The following KCNG3 variants were observed in gnomAD, a reference collection of about 807,000 sequenced individuals.
The protein encoded by KCNG3 is potassium voltage-gated channel modifier subfamily G member 3.
A neutral mutation model predicts 29.0 loss-of-function variants in KCNG3; 15 were observed. The observed-to-expected ratio is 0.52, with a 90% CI of 0.35 to 0.80. The LOEUF (loss-of-function observed/expected upper bound fraction) is 0.80, where lower values mean the gene tolerates loss of function less well. Among genes scored for constraint, KCNG3 ranks in the 30% least tolerant of loss-of-function variants. KCNG3 has a pLI of 0.01. For missense variants in KCNG3, 512 were observed against 605.7 expected, an observed-to-expected ratio of 0.85 and a Z score of 1.62; for synonymous variants, 322 against 248.9, an observed-to-expected ratio of 1.29 and a Z score of -2.76.
chr2:42,416,595 G>A, the KCNG3 span, among the ~76,000 whole-genome samples: 3 of 152,128 alleles, frequency 2.0e-5, no homozygotes, highest in South Asian at 2.1e-4. Flanking sequence ...TTGGGAGGCC[G>A]AGGCAGGTGG....
intron 1 of KCNG3, among the ~76,000 whole-genome samples, chr2:42,452,556 T>C (rs1449674964): frequency 1.3e-5 from 2 of 152,090 alleles, no homozygotes; most frequent in East Asian, 3.9e-4. Flanking sequence ...ACCATCCTTC[T>C]ACTCTCTATA....
the KCNG3 span, among the ~76,000 whole-genome samples, chr2:42,394,819 G>A: frequency 2.6e-5 from 4 of 152,094 alleles, no homozygotes; most frequent in African/African-American, 9.7e-5. Context: ...TCCTGTCACC[G>A]GCACACGTCC....
the KCNG3 span, among the ~76,000 whole-genome samples, chr2:42,407,128 G>C: frequency 2.0e-5 from 3 of 149,222 alleles, no homozygotes; most frequent in African/African-American, 7.4e-5. Context: ...GAATACATTT[G>C]TCAGTTGTCT....
chr2:42,466,727 A>G (rs1471799882), intron 1 of KCNG3, among the ~76,000 whole-genome samples: 1 of 149,838 alleles, frequency 6.7e-6, no homozygotes, highest in Non-Finnish European at 1.5e-5. Context: ...CATAGGAATT[A>G]GTGGCAAAAA....
intron 1 of KCNG3, among the ~76,000 whole-genome samples, chr2:42,491,809 A>T (rs942311386): frequency 2.0e-5 from 3 of 152,252 alleles, no homozygotes; most frequent in African/African-American, 4.8e-5. Context: ...CGTTCCGAAC[A>T]TGTACATGCC....
chr2:42,485,952 G>A (rs1304237069), intron 1 of KCNG3, among the ~76,000 whole-genome samples: 4 of 152,160 alleles, frequency 2.6e-5, no homozygotes, highest in African/African-American at 9.7e-5. Flanking sequence ...TTTATCAAGG[G>A]AGATTGTGAA....
chr2:42,487,335 T>C (rs1673750318), intron 1 of KCNG3, among the ~76,000 whole-genome samples: 1 of 123,910 alleles, frequency 8.1e-6, no homozygotes, highest in South Asian at 2.8e-4. Flanking sequence ...CTAATTTCTT[T>C]TTTTTTTCTT....
At chr2:42,415,236 A>G in the KCNG3 span, among the ~76,000 whole-genome samples, 2 of 152,146 alleles carry the variant, frequency 1.3e-5, no homozygotes, top group Non-Finnish European at 2.9e-5. Flanking sequence ...ATGATTCCAG[A>G]TCATGCACTA....
At chr2:42,477,852 C>T (rs1013236374) in intron 1 of KCNG3, among the ~76,000 whole-genome samples, 2 of 150,962 alleles carry the variant, frequency 1.3e-5, no homozygotes, top group African/African-American at 4.9e-5. Flanking sequence ...GCACTCCAGC[C>T]TGGGTGACAA....
chr2:42,435,234 C>T, the KCNG3 span, among the ~76,000 whole-genome samples: 2 of 152,024 alleles, frequency 1.3e-5, no homozygotes, highest in South Asian at 4.2e-4. Flanking sequence ...ACCAGGGAGG[C>T]GGAGGTTGCA....
intron 1 of KCNG3, among the ~76,000 whole-genome samples, chr2:42,450,159 A>G (rs775892997): frequency 6.6e-6 from 1 of 152,230 alleles, no homozygotes; most frequent in Non-Finnish European, 1.5e-5. Context: ...CAAAGTTGTT[A>G]TGACTAAGAA....
At chr2:42,412,206 C>T in the KCNG3 span, among the ~76,000 whole-genome samples, 216 of 152,302 alleles carry the variant, frequency 1.4e-3, no homozygotes, top group South Asian at 7.7e-3. Context: ...ATTACTCCCA[C>T]GACAGTCCTC....
chr2:42,441,803 T>TATATAAAATATATATAA (rs1412944425), downstream of KCNG3, among the ~76,000 whole-genome samples: 1 of 150,812 alleles, frequency 6.6e-6, no homozygotes. Context: ...GGTGTGTGTG[T>TATATAAAATATATATAA]ATATATATAC....
At chr2:42,431,229 C>T in the KCNG3 span, among the ~76,000 whole-genome samples, 1 of 151,964 alleles carries the variant, frequency 6.6e-6, no homozygotes, top group East Asian at 1.9e-4. Context: ...GGGGATCCTG[C>T]TATTCCTAAG....
At chr2:42,474,489 C>T (rs1165808592) in intron 1 of KCNG3, among the ~76,000 whole-genome samples, 3 of 152,172 alleles carry the variant, frequency 2.0e-5, no homozygotes, top group East Asian at 1.9e-4. Context: ...GATGGCACTA[C>T]TGCACTCTAG....
chr2:42,460,203 A>G (rs76330025), intron 1 of KCNG3, among the ~76,000 whole-genome samples: 2,296 of 151,914 alleles, frequency 0.015, 54 homozygotes, highest in African/African-American at 0.051. Flanking sequence ...TATCTCTACA[A>G]AAAAAATAGC....
the KCNG3 span, among the ~76,000 whole-genome samples, chr2:42,400,956 T>C: frequency 6.6e-6 from 1 of 151,970 alleles, no homozygotes; most frequent in Non-Finnish European, 1.5e-5. Context: ...CAGTCTGTCG[T>C]CTTTTAATTT....
chr2:42,413,920 T>C, the KCNG3 span, among the ~76,000 whole-genome samples: 10 of 152,312 alleles, frequency 6.6e-5, no homozygotes, highest in East Asian at 1.7e-3. Flanking sequence ...TCAAGATGAA[T>C]GTTGGCGGGG....
chr2:42,487,696 T>C (rs955225818), intron 1 of KCNG3, among the ~76,000 whole-genome samples: 4 of 152,070 alleles, frequency 2.6e-5, no homozygotes, highest in Admixed American at 2.6e-4. Context: ...TTTTGGAGAG[T>C]AGTTTGGAAT....
Sources: gnomAD v4.1 joint callset for allele counts (sites outside exome capture counted in the v4.1 genomes callset) on GRCh38, gnomAD v4.1.1 for gene constraint, MANE v1.5 for transcripts, NCBI Gene and HGNC (gene_info 2026-07-23, HGNC 2026-07-21) for gene names.